Variants in ERBB2 observed in about 807,000 individuals in gnomAD.
The protein encoded by ERBB2 is receptor tyrosine-protein kinase erbB-2.
Under a neutral mutation model 149.0 loss-of-function variants are expected in ERBB2, and 61 were observed. That is an observed-to-expected ratio of 0.41 (90% CI 0.33 to 0.51). The LOEUF is 0.51. Among genes scored for constraint, ERBB2 ranks in the 20% least tolerant of loss-of-function variants. ERBB2 has a pLI of 0.25. For synonymous variants in ERBB2, 633 were observed against 678.8 expected, an observed-to-expected ratio of 0.93 and a Z score of 1.05; for missense variants, 1,205 against 1,655.1, an observed-to-expected ratio of 0.73 and a Z score of 4.72.
At position 39,710,470 on chromosome 17, in the gene ERBB2, C is replaced by A. The variant is rs2058731383; in HGVS notation, c.890C>A (p.Thr297Asn). 2 of 1,613,846 alleles carry A rather than the reference C, an allele frequency of 1.2e-6. No individual in the cohort carries two copies. ...GRYTFGASCV[T>N]ACPYNYLSTD... is the part of the protein sequence containing the mutation. ...TATACATTCGGCGCCAGCTGTGTGA[C>A]TGCCTGTCCCTGTGAGTGCCAGGGA... Residue 297 changes from threonine to asparagine, a missense_variant, in exon 7 of 27, where the codon ACT becomes AAT. By Grantham distance (65) the Thr-to-Asn change is moderately conservative (BLOSUM62 0). Around this residue, in one of 6 missense-constraint regions of ERBB2, gnomAD observed 569 missense variants for 803.5 expected, o/e 0.71. Transcript: ENST00000269571.
chr17:39,718,832 T>C (rs1212471908), intron 15 of ERBB2, among the ~76,000 whole-genome samples: 5 of 152,226 alleles, frequency 3.3e-5, no homozygotes, highest in Non-Finnish European at 5.9e-5. Flanking sequence ...TTGCAGTTTA[T>C]TGCAATTGAG....
upstream of ERBB2, among the ~76,000 whole-genome samples, chr17:39,693,741 G>A (rs1567887369): frequency 6.6e-6 from 1 of 150,860 alleles, no homozygotes; most frequent in Non-Finnish European, 1.5e-5. Context: ...CTGGACAACA[G>A]AGCGAGACTC....
At chr17:39,715,652 C>T in intron 11 of ERBB2, 88 bp from the exon 12 acceptor site, 1 of 1,560,590 alleles carries the variant, frequency 6.4e-7, no homozygotes, top group South Asian at 1.1e-5. Flanking sequence ...TGAAAGTCTG[C>T]AGAGTGTGCT....
chr17:39,727,138 C>T lies in ERBB2; in HGVS notation c.3159+135C>T. 1.6e-6 allele frequency: 2 copies of T among 1,227,152 alleles called. No homozygotes were observed. The highest frequency in any genetic ancestry group is 1.5e-5 in the African/African-American group (1 of 65,818). 76.0% of individuals were successfully genotyped at this position (1,227,152 alleles called of 1,614,324 possible). A position where few individuals can be genotyped will look rare whatever the true frequency, so the allele number is the denominator to read the frequency against. ...CCATTATCCCTACAAAAAATTCTTACTGCCTTCCAACCCCTGTGACCCCAT... is the reference window on the plus strand; with the variant it reads ...CCATTATCCCTACAAAAAATTCTTATTGCCTTCCAACCCCTGTGACCCCAT... On this transcript the variant is annotated intron_variant, in intron 25 of 26. Coordinates refer to ENST00000269571, the MANE Select transcript of ERBB2 (RefSeq NM_004448.4). The surrounding 1 kb of genome is among the most constrained non-coding windows in gnomAD (Gnocchi z 4.3).
rs753902259 is a variant in ERBB2 at position 39,715,287 on chromosome 17, G to A, written c.1150G>A (p.Asp384Asn). Residue 384 changes from aspartate (D) to asparagine (N), a missense_variant and splice_region_variant, in exon 10 of 27, where the codon GAC becomes AAC. By Grantham distance (23) the Asp-to-Asn change is conservative. Transcript: ENST00000269571. ...LAFLPESFDGDPASNTAPLQP... is the reference protein window; with the variant it reads ...LAFLPESFDGNPASNTAPLQP... ...TGACTCCTCTCCTGACCCCTCCAGG[G>A]ACCCAGCCTCCAACACTGCCCCGCT... The A allele has an allele frequency of 7.4e-6, 12 of 1,613,840 alleles. 1 individual carries two copies. In the South Asian group the frequency reaches 1.2e-4, roughly 16 times the overall value.
At chr17:39,709,109 AACTC>A in intron 3 of ERBB2, 1 of 609,476 alleles carries the variant, frequency 1.6e-6, no homozygotes, top group African/African-American at 1.8e-5. Context: ...TAGCATGGAC[AACTC>A]ACTCCTCCCT....
chr17:39,724,180 G>A (rs185151345), intron 19 of ERBB2, among the ~76,000 whole-genome samples, 170 bp downstream of exon 19: 2 of 151,676 alleles, frequency 1.3e-5, no homozygotes, highest in Admixed American at 1.3e-4. Context: ...GTGCAGTGGC[G>A]TTATCTCGGC....
intron 19 of ERBB2, among the ~76,000 whole-genome samples, 188 bp from the exon 20 acceptor site, chr17:39,724,538 G>A (rs1195762923): frequency 1.3e-5 from 2 of 152,020 alleles, no homozygotes; most frequent in African/African-American, 4.8e-5. Flanking sequence ...GATTACAGGT[G>A]TGAGCCACCG....
Position 39,723,722 on chromosome 17 carries a change from G to C in ERBB2, c.2208+62G>C. ...ATGGGGGCGGTGCCTGGAGGGGTGT[G>C]GTCGGCAGTTCTGATGGGAGGGGCA... On this transcript the variant is annotated intron_variant, in intron 18 of 26. Transcript: ENST00000269571. The surrounding 1 kb of genome is among the most constrained non-coding windows in gnomAD (Gnocchi z 6.2). The C allele has an allele frequency of 6.4e-7, 1 of 1,565,276 alleles. No homozygotes were observed. The highest frequency in any genetic ancestry group is 1.2e-5 in the South Asian group (1 of 85,988).
upstream of ERBB2, among the ~76,000 whole-genome samples, chr17:39,698,992 A>C (rs1329375717): frequency 2.6e-5 from 4 of 151,128 alleles, no homozygotes; most frequent in African/African-American, 9.7e-5. Context: ...TTCCATCCCC[A>C]CCCCTACCAC....
At position 39,726,323 on chromosome 17, in the gene ERBB2, A is replaced by T; in HGVS notation, c.2873-239A>T. ...AATCCAGCCTGGGTGACAGAGCGAA[A>T]CCTCATCTCAAAAAAATAAAAAAGC... On this transcript the variant is annotated intron_variant, in intron 23 of 26. Transcript: ENST00000269571. This position sits in a 1 kb window ranked among gnomAD's most constrained non-coding sequence, Gnocchi z 5.1. 1 of 506,762 alleles carries T rather than the reference A, an allele frequency of 2.0e-6. No homozygotes were observed. Among genetic ancestry groups the T allele is most frequent in the East Asian group, 3.4e-5 (1 of 29,300 alleles). 31.4% of individuals were successfully genotyped at this position (506,762 alleles called of 1,614,324 possible).
upstream of ERBB2, among the ~76,000 whole-genome samples, chr17:39,698,260 ATTTT>A (rs200013520): frequency 1.4e-5 from 2 of 140,288 alleles, no homozygotes; most frequent in African/African-American, 5.2e-5. Context: ...TAGAGTCAAG[ATTTT>A]TTTTTTTTTT....
chr17:39,715,306 C>T lies in ERBB2; in HGVS notation c.1169C>T (p.Ala390Val), dbSNP rs587778264. The change falls in exon 10 of 27, where the codon GCC (alanine) becomes GTC (valine). Residue 390 changes from alanine (A) to valine (V), a missense_variant. Coordinates refer to ENST00000269571, the MANE Select transcript of ERBB2 (RefSeq NM_004448.4). ...SFDGDPASNT[A>V]PLQPEQLQVF... ...TCCAGGGACCCAGCCTCCAACACTG[C>T]CCCGCTCCAGCCAGAGCAGCTCCAA... 2.5e-6 allele frequency: 4 copies of T among 1,613,902 alleles called. No individual in the cohort carries two copies. In the African/African-American group the frequency reaches 5.3e-5, roughly 22 times the overall value.
Position 39,715,848 on chromosome 17 carries a change from C to A in ERBB2, c.1422C>A (p.Leu474=). ...CCCTCATCCACCATAACACCCACCT[C>A]TGCTTCGTGCACACGGTGCCCTGGG... is the stretch of plus-strand genomic sequence containing the variant. The part of the protein sequence containing the change: ...GLALIHHNTH[L]CFVHTVPWDQ... Residue 474 remains leucine, a synonymous_variant, in exon 12 of 27, where the codon CTC becomes CTA. Transcript: ENST00000269571. 6.2e-7 allele frequency: 1 copy of A among 1,612,630 alleles called. No individual in the cohort carries two copies. The highest frequency in any genetic ancestry group is 8.5e-7 in the Non-Finnish European group (1 of 1,180,028).
intron 1 of ERBB2, among the ~76,000 whole-genome samples, chr17:39,704,366 C>G (rs890250434): frequency 6.6e-6 from 1 of 152,050 alleles, no homozygotes; most frequent in Non-Finnish European, 1.5e-5. Context: ...ACAAGGTCAG[C>G]AGTTCAGGAC....
At position 39,724,897 on chromosome 17, in the gene ERBB2, A is replaced by G; in HGVS notation, c.2479A>G (p.Met827Val). The change falls in exon 20 of 27, where the codon ATG (methionine) becomes GTG (valine). Residue 827 changes from methionine to valine, a missense_variant. Met to Val is a conservative substitution (Grantham distance 21). Coordinates refer to ENST00000269571, the MANE Select transcript of ERBB2 (RefSeq NM_004448.4). ...LGSQDLLNWC[M>V]QIAKGMSYLE... is the part of the protein sequence containing the mutation. ...CTCCCAGGACCTGCTGAACTGGTGT[A>G]TGCAGATTGCCAAGGTATGCACCTG... 6.2e-7 allele frequency: 1 copy of G among 1,614,132 alleles called. No individual in the cohort carries two copies. The highest frequency in any genetic ancestry group is 8.5e-7 in the Non-Finnish European group (1 of 1,179,990).
upstream of ERBB2, among the ~76,000 whole-genome samples, chr17:39,695,725 A>ACACACACT (rs1012033369): frequency 5.3e-5 from 8 of 149,622 alleles, no homozygotes. Context: ...ACACACACAC[A>ACACACACT]CACACACACA....
intron 16 of ERBB2, among the ~76,000 whole-genome samples, chr17:39,722,551 T>C (rs2059507708): frequency 6.6e-6 from 1 of 152,134 alleles, no homozygotes; most frequent in Admixed American, 6.5e-5. Flanking sequence ...TACTATAAAA[T>C]AGGCTTTGTG....
At chr17:39,701,327 CTGAGTAGCAGTCCAGAGGT>C (rs1431868201) in intron 1 of ERBB2, among the ~76,000 whole-genome samples, 1 of 152,140 alleles carries the variant, frequency 6.6e-6, no homozygotes, top group Non-Finnish European at 1.5e-5. Context: ...GCATTCTGGA[CTGAGTAGCAGTCCAGAGGT>C]TGAGTAGCAG....
Sources: gnomAD v4.1 joint callset for allele counts (sites outside exome capture counted in the v4.1 genomes callset) on GRCh38, gnomAD v4.1.1 for gene constraint, gnomAD v4.1.1 regional missense constraint, Gnocchi (gnomAD v3.1) non-coding constraint, MANE v1.5 for transcripts, NCBI Gene and HGNC (gene_info 2026-07-23, HGNC 2026-07-21) for gene names.